NRG3: variants seen among roughly 807,000 people sequenced by gnomAD.
The protein encoded by NRG3 is pro-neuregulin-3, membrane-bound isoform.
Under a neutral mutation model 66.9 loss-of-function variants are expected in NRG3, and 31 were observed. The ratio of observed to expected loss-of-function variants is 0.46; its 90% CI spans 0.35 to 0.63. The LOEUF (loss-of-function observed/expected upper bound fraction) is 0.63. NRG3 is among the 20% of genes least tolerant of loss of function. NRG3 has a pLI of 0.00. For missense variants in NRG3, 910 were observed against 878.9 expected, an observed-to-expected ratio of 1.04 and a Z score of -0.45; for synonymous variants, 393 against 359.4, an observed-to-expected ratio of 1.09 and a Z score of -1.06.
chr10:82,152,807 CCTCTCT>C (rs796578780), intron 1 of NRG3, among the ~76,000 whole-genome samples: 1 of 150,634 alleles, frequency 6.6e-6, no homozygotes, highest in African/African-American at 2.4e-5. Context: ...CCCACCCTCC[CCTCTCT>C]CTCTCTTTTT....
intron 1 of NRG3, among the ~76,000 whole-genome samples, chr10:82,215,814 T>C (rs1564672615): frequency 6.6e-6 from 1 of 152,106 alleles, no homozygotes; most frequent in African/African-American, 2.4e-5. Flanking sequence ...TTTTATGCAA[T>C]TTGATAATTA....
chr10:82,984,048 C>T (rs761895376), intron 8 of NRG3, among the ~76,000 whole-genome samples: 1 of 152,014 alleles, frequency 6.6e-6, no homozygotes, highest in Non-Finnish European at 1.5e-5. Flanking sequence ...TAATGGCAGT[C>T]GAGGAAAGGA....
At chr10:81,955,485 G>T (rs1252130987) in intron 1 of NRG3, among the ~76,000 whole-genome samples, 1 of 152,080 alleles carries the variant, frequency 6.6e-6, no homozygotes, top group African/African-American at 2.4e-5. Context: ...GACTGATTGG[G>T]ATCTGTATCC....
intron 2 of NRG3, among the ~76,000 whole-genome samples, chr10:82,507,566 C>T (rs145079726): frequency 2.5e-3 from 382 of 152,258 alleles, no homozygotes; most frequent in African/African-American, 8.8e-3. Flanking sequence ...GTGGATGCCA[C>T]ATCTGACTCT....
intron 3 of NRG3, among the ~76,000 whole-genome samples, chr10:82,748,926 A>G (rs373277607): frequency 7.2e-4 from 110 of 152,264 alleles, no homozygotes; most frequent in African/African-American, 2.6e-3. Context: ...AGAAGCAGTT[A>G]CAAACATTGA....
At chr10:82,884,458 C>T (rs1842565472) in intron 4 of NRG3, among the ~76,000 whole-genome samples, 1 of 152,000 alleles carries the variant, frequency 6.6e-6, no homozygotes, top group African/African-American at 2.4e-5. Context: ...TATTTTTCAC[C>T]TTTCTGTTTT....
At chr10:82,332,081 T>C (rs2082163470) in intron 1 of NRG3, among the ~76,000 whole-genome samples, 1 of 152,226 alleles carries the variant, frequency 6.6e-6, no homozygotes, top group South Asian at 2.1e-4. Flanking sequence ...TAAAGTTGTC[T>C]GTCACCCAAA....
chr10:82,502,410 A>G (rs1006971916), intron 2 of NRG3, among the ~76,000 whole-genome samples: 1 of 152,156 alleles, frequency 6.6e-6, no homozygotes, highest in Non-Finnish European at 1.5e-5. Context: ...CCTCAGATAC[A>G]TTGTAAAAGG....
chr10:82,923,423 T>G (rs1846647047), intron 4 of NRG3, among the ~76,000 whole-genome samples: 1 of 152,208 alleles, frequency 6.6e-6, no homozygotes, highest in Non-Finnish European at 1.5e-5. Flanking sequence ...TATTATAGGT[T>G]CCCACATTGC....
At chr10:82,835,639 T>G (rs555649572) in intron 3 of NRG3, among the ~76,000 whole-genome samples, 3 of 152,180 alleles carry the variant, frequency 2.0e-5, no homozygotes, top group Non-Finnish European at 4.4e-5. Flanking sequence ...CTAGATTTCA[T>G]GACCCTCCAT....
chr10:82,346,576 T>C (rs1325063728), intron 1 of NRG3, among the ~76,000 whole-genome samples: 5 of 152,122 alleles, frequency 3.3e-5, no homozygotes, highest in Non-Finnish European at 5.9e-5. Flanking sequence ...GATGCTGGCC[T>C]CATAAAACGA....
chr10:82,862,898 T>A (rs1008829526), intron 3 of NRG3, among the ~76,000 whole-genome samples: 2 of 152,196 alleles, frequency 1.3e-5, no homozygotes, highest in African/African-American at 2.4e-5. Flanking sequence ...AACATGCAGG[T>A]TTGTTACATA....
At chr10:82,577,924 G>GTC (rs1203934818) in intron 2 of NRG3, among the ~76,000 whole-genome samples, 1 of 151,570 alleles carries the variant, frequency 6.6e-6, no homozygotes, top group Non-Finnish European at 1.5e-5. Context: ...TTTTTAAAAA[G>GTC]TCTCAGGAAA....
At position 82,641,016 on chromosome 10, in the gene NRG3, T is replaced by TAAGTAATGTATAC. The variant is rs1565156351; in HGVS notation, c.954-97561_954-97560insAAGTAATGTATAC. The stretch of plus-strand genomic sequence containing the variant: ...TTAAATTTTTCAGTCTGTCGTTTTT[T>TAAGTAATGTATAC]TTTTTTTTTTTTTTTTTTTTTTTTT... On this transcript the variant is annotated intron_variant, in intron 2 of 8. Coordinates refer to ENST00000372141, the MANE Select transcript of NRG3 (RefSeq NM_001010848.4). Among the ~76,000 whole-genome samples, 47 of 12,334 alleles carry TAAGTAATGTATAC rather than the reference T, an allele frequency of 3.8e-3. 1 individual carries two copies. The highest frequency in any genetic ancestry group is 6.3e-3 in the Non-Finnish European group (33 of 5,212). The allele number at this position is 12,334 out of a possible 152,430, so 8.1% of individuals were successfully genotyped here. A position where few individuals can be genotyped will look rare whatever the true frequency, so the allele number is the denominator to read the frequency against.
At chr10:82,206,291 C>T (rs965950385) in intron 1 of NRG3, among the ~76,000 whole-genome samples, 2 of 152,178 alleles carry the variant, frequency 1.3e-5, no homozygotes, top group African/African-American at 2.4e-5. Flanking sequence ...CCTTTGGTCT[C>T]TTCCCCACCA....
intron 2 of NRG3, among the ~76,000 whole-genome samples, chr10:82,615,906 C>T (rs2048615704): frequency 6.6e-6 from 1 of 152,152 alleles, no homozygotes; most frequent in South Asian, 2.1e-4. Context: ...TTGCAGCAGA[C>T]TACTCCTGTG....
At chr10:82,658,175 C>A (rs573528811) in intron 2 of NRG3, among the ~76,000 whole-genome samples, 3 of 152,198 alleles carry the variant, frequency 2.0e-5, no homozygotes, top group African/African-American at 7.2e-5. Context: ...AATCCAGCCA[C>A]ACTTTATATA....
intron 3 of NRG3, among the ~76,000 whole-genome samples, chr10:82,825,227 T>TA (rs536872691): frequency 6.0e-4 from 91 of 152,302 alleles, no homozygotes; most frequent in African/African-American, 1.9e-3. Context: ...GTGTTATATC[T>TA]AAAAAATCAT....
chr10:82,578,238 ATTG>A (rs1275185770), intron 2 of NRG3, among the ~76,000 whole-genome samples: 1 of 150,520 alleles, frequency 6.6e-6, no homozygotes, highest in African/African-American at 2.4e-5. Context: ...AATGCCATTT[ATTG>A]TTAAGTTCTT....
Sources: allele counts gnomAD v4.1 joint callset (sites outside exome capture counted in the v4.1 genomes callset), GRCh38; gene constraint gnomAD v4.1.1; transcripts MANE v1.5; gene names NCBI Gene and HGNC (gene_info 2026-07-23, HGNC 2026-07-21).